Variants in RGS7 observed in about 807,000 individuals in gnomAD.
The protein encoded by RGS7 is regulator of G-protein signaling 7.
Under a neutral mutation model 81.1 loss-of-function variants are expected in RGS7, and 27 were observed. That is an observed-to-expected ratio of 0.33 (90% CI 0.25 to 0.46). RGS7 has a LOEUF of 0.46. Ranked by LOEUF, RGS7 falls within the 20% of genes least tolerant of loss-of-function variation. The pLI is 1.00. For synonymous variants in RGS7, 208 were observed against 207.7 expected (o/e 1.00, Z -0.01); for missense variants, 396 against 607.4 (o/e 0.65, Z 3.66).
At chr1:240,992,654 A>C (rs1686624943) in intron 3 of RGS7, among the ~76,000 whole-genome samples, 1 of 152,122 alleles carries the variant, frequency 6.6e-6, no homozygotes, top group Non-Finnish European at 1.5e-5. Flanking sequence ...CTTTTTAAAA[A>C]TAACCCTGAA....
intron 2 of RGS7, among the ~76,000 whole-genome samples, chr1:241,101,223 C>T (rs974442022): frequency 2.0e-5 from 3 of 152,158 alleles, no homozygotes; most frequent in Non-Finnish European, 2.9e-5. Context: ...ATGCTGGGCA[C>T]GGTGGCTCAC....
rs190630406 is a variant in RGS7, at chr1:241,161,472, A to G, written c.79-62710T>C. Among the ~76,000 whole-genome samples, 198 of 143,394 alleles carry G rather than the reference A, an allele frequency of 1.4e-3. 2 individuals are homozygous for G. Among genetic ancestry groups the G allele is most frequent in the African/African-American group, 4.5e-3 (159 of 35,560 alleles). The allele number at this position is 143,394 out of a possible 152,430, so 94.1% of individuals were successfully genotyped here. On this transcript the variant is annotated intron_variant, in intron 2 of 18. Coordinates refer to ENST00000440928, the MANE Select transcript of RGS7 (RefSeq NM_001364886.1). ...CTAATGGCACAGTCCATGACACATTAATAATAACTAATATATAATAATTAT... is the reference window on the plus strand; with the variant it reads ...CTAATGGCACAGTCCATGACACATTGATAATAACTAATATATAATAATTAT...
chr1:240,931,772 A>G (rs1675481976), intron 5 of RGS7, among the ~76,000 whole-genome samples: 2 of 152,198 alleles, frequency 1.3e-5, no homozygotes, highest in East Asian at 3.9e-4. Context: ...CTAGAAACTG[A>G]CTGACTAAAC....
intron 3 of RGS7, chr1:240,998,488 G>T: frequency 9.7e-7 from 1 of 1,034,254 alleles, no homozygotes; most frequent in Non-Finnish European, 1.5e-6. Flanking sequence ...CAGACTTCTC[G>T]GATTCTTCTT....
intron 4 of RGS7, among the ~76,000 whole-genome samples, chr1:240,976,798 ATCT>A: frequency 1.8e-5 from 1 of 54,092 alleles, no homozygotes; most frequent in African/African-American, 3.9e-5. Context: ...TTATCCATCT[ATCT>A]ATCATCTATC....
At chr1:241,142,084 T>G (rs1283347789) in intron 2 of RGS7, among the ~76,000 whole-genome samples, 1 of 152,228 alleles carries the variant, frequency 6.6e-6, no homozygotes, top group African/African-American at 2.4e-5. Flanking sequence ...ACTCCATGTC[T>G]CACATCTAGG....
chr1:241,224,750 T>C (rs1199437822), intron 2 of RGS7, among the ~76,000 whole-genome samples: 2 of 152,138 alleles, frequency 1.3e-5, no homozygotes, highest in East Asian at 3.9e-4. Flanking sequence ...GCTCCTCCCA[T>C]AGTCAATCAT....
chr1:241,170,752 T>C (rs78943134), intron 2 of RGS7, among the ~76,000 whole-genome samples: 1,868 of 152,304 alleles, frequency 0.012, 14 homozygotes, highest in Non-Finnish European at 0.019. Flanking sequence ...TCTATTTTTG[T>C]AGCACAAACA....
chr1:241,324,028 G>C (rs1184167598), intron 2 of RGS7, among the ~76,000 whole-genome samples: 1 of 152,098 alleles, frequency 6.6e-6, no homozygotes. Flanking sequence ...GGATATAATA[G>C]CAATGCCTCA....
intron 4 of RGS7, among the ~76,000 whole-genome samples, chr1:240,967,572 G>GGA (rs1553369993): frequency 6.9e-5 from 9 of 131,162 alleles, no homozygotes; most frequent in African/African-American, 2.4e-4. Flanking sequence ...AAGAAGTGGG[G>GGA]GGGGGGGGGA....
intron 3 of RGS7, among the ~76,000 whole-genome samples, chr1:241,038,391 G>A (rs746336455): frequency 1.3e-5 from 2 of 152,106 alleles, no homozygotes; most frequent in East Asian, 1.9e-4. Flanking sequence ...ATTTAAAAAC[G>A]TTACCTTCCC....
intron 6 of RGS7, among the ~76,000 whole-genome samples, chr1:240,894,597 C>G (rs569269109): frequency 6.6e-6 from 1 of 151,396 alleles, no homozygotes; most frequent in Non-Finnish European, 1.5e-5. Flanking sequence ...TATTACAAAG[C>G]CTCTTTGGTT....
intron 3 of RGS7, among the ~76,000 whole-genome samples, chr1:241,023,326 C>G (rs1466356689): frequency 6.6e-6 from 1 of 152,180 alleles, no homozygotes; most frequent in Non-Finnish European, 1.5e-5. Flanking sequence ...TTTCTCTCTG[C>G]TCCTTTAGGT....
At chr1:241,262,001 A>G (rs1417222528) in intron 2 of RGS7, among the ~76,000 whole-genome samples, 1 of 150,230 alleles carries the variant, frequency 6.7e-6, no homozygotes. Context: ...TTTTAAGAAC[A>G]GGTAGAAAAA....
chr1:240,967,133 A>G (rs1682439176), intron 4 of RGS7, among the ~76,000 whole-genome samples: 1 of 152,188 alleles, frequency 6.6e-6, no homozygotes, highest in African/African-American at 2.4e-5. Context: ...ATGTCAAGAT[A>G]TCCTTGGAAG....
At chr1:241,024,873 G>A (rs1034903937) in intron 3 of RGS7, among the ~76,000 whole-genome samples, 2 of 152,052 alleles carry the variant, frequency 1.3e-5, no homozygotes, top group African/African-American at 2.4e-5. Flanking sequence ...TCAAGAACGA[G>A]AGTAAGTCAA....
At chr1:240,980,462 C>T (rs1684751739) in intron 4 of RGS7, among the ~76,000 whole-genome samples, 1 of 152,150 alleles carries the variant, frequency 6.6e-6, no homozygotes, top group African/African-American at 2.4e-5. Context: ...CCAGAGAGCA[C>T]ACAAGACAGA....
intron 10 of RGS7, chr1:240,822,970 T>C (rs1199435013): frequency 3.9e-6 from 2 of 517,410 alleles, no homozygotes; most frequent in Non-Finnish European, 7.1e-6. Context: ...TTTTTTTTCA[T>C]CAGGGGCTAT....
chr1:240,849,958 C>A (rs1659804495), intron 9 of RGS7, among the ~76,000 whole-genome samples: 1 of 152,216 alleles, frequency 6.6e-6, no homozygotes. Context: ...CGCACCCGTA[C>A]TGGATTTACC....
Sources: gnomAD v4.1 joint callset for allele counts (sites outside exome capture counted in the v4.1 genomes callset) on GRCh38, gnomAD v4.1.1 for gene constraint, MANE v1.5 for transcripts, NCBI Gene and HGNC (gene_info 2026-07-23, HGNC 2026-07-21) for gene names.